WDR7: variants seen among roughly 807,000 people sequenced by gnomAD.
WDR7 encodes WD repeat domain 7.
A neutral mutation model predicts 169.4 loss-of-function variants in WDR7; 46 were observed. The ratio of observed to expected loss-of-function variants is 0.27; its 90% CI spans 0.21 to 0.35. WDR7 has a LOEUF of 0.35. Ranked by LOEUF, WDR7 falls within the 10% of genes least tolerant of loss-of-function variation. The pLI is 1.00. For missense variants in WDR7, 1,534 were observed against 1,859.3 expected, an observed-to-expected ratio of 0.83 and a Z score of 3.22; for synonymous variants, 612 against 666.8, an observed-to-expected ratio of 0.92 and a Z score of 1.27.
chr18:56,710,153 G>A (rs796941501), intron 12 of WDR7, among the ~76,000 whole-genome samples: 1 of 151,960 alleles, frequency 6.6e-6, no homozygotes, highest in African/African-American at 2.4e-5. Context: ...ATAGGCGCCT[G>A]CCAGCATGCC....
At chr18:57,005,100 G>C (rs942462619) in intron 26 of WDR7, among the ~76,000 whole-genome samples, 56 of 152,076 alleles carry the variant, frequency 3.7e-4, no homozygotes, top group African/African-American at 1.2e-3. Flanking sequence ...TACCGTGTCA[G>C]GCATCTTAAT....
intron 1 of WDR7, among the ~76,000 whole-genome samples, chr18:56,670,667 C>T (rs564320074): frequency 3.3e-5 from 5 of 152,194 alleles, no homozygotes; most frequent in Admixed American, 6.5e-5. Context: ...CCCACCACCT[C>T]GCCTGGCTAA....
intron 20 of WDR7, among the ~76,000 whole-genome samples, chr18:56,836,244 G>A (rs929709724): frequency 2.6e-5 from 4 of 152,036 alleles, no homozygotes; most frequent in Non-Finnish European, 5.9e-5. Flanking sequence ...CTCATGTCTG[G>A]CCAGGATTCA....
chr18:56,838,117 G>T (rs1207774393), intron 20 of WDR7, among the ~76,000 whole-genome samples: 1 of 152,120 alleles, frequency 6.6e-6, no homozygotes, highest in Non-Finnish European at 1.5e-5. Context: ...ACTGCATTAT[G>T]ATGATATATA....
At chr18:56,719,561 CAAAAA>C (rs58285674) in intron 13 of WDR7, among the ~76,000 whole-genome samples, 2 of 106,242 alleles carry the variant, frequency 1.9e-5, no homozygotes, top group Non-Finnish European at 1.8e-5. Flanking sequence ...GACTCTGTCT[CAAAAA>C]AAAAAAAAAA....
At chr18:56,933,360 G>A (rs1001804968) in intron 22 of WDR7, among the ~76,000 whole-genome samples, 3 of 152,098 alleles carry the variant, frequency 2.0e-5, no homozygotes, top group African/African-American at 7.2e-5. Flanking sequence ...CTGTGAAGTT[G>A]GTCATTTTTG....
Position 56,843,732 on chromosome 18 carries a change from A to C in WDR7, c.3304+27588A>C, listed in dbSNP as rs1346030308. ...GTAATACATGGTCATTCTATCTTTA[A>C]TATTTTGAGGAACTGTCATACTGTT... On this transcript the variant is annotated intron_variant, in intron 20 of 27. Coordinates refer to ENST00000254442, the MANE Select transcript of WDR7 (RefSeq NM_015285.3). 2.6e-5 allele frequency among the ~76,000 whole-genome samples: 4 copies of C among 152,154 alleles called. No homozygotes were observed. The East Asian group carries it at 5.8e-4, about 22-fold the overall frequency.
At chr18:56,738,939 A>G (rs1327544840) in intron 14 of WDR7, among the ~76,000 whole-genome samples, 1 of 151,386 alleles carries the variant, frequency 6.6e-6, no homozygotes, top group Non-Finnish European at 1.5e-5. Flanking sequence ...TGGTTATAAT[A>G]ATGCGTTCTA....
chr18:56,787,836 A>C (rs1479014764), intron 19 of WDR7, among the ~76,000 whole-genome samples: 1 of 152,232 alleles, frequency 6.6e-6, no homozygotes, highest in Non-Finnish European at 1.5e-5. Flanking sequence ...AGGGAGTTGA[A>C]AAGGATATTG....
intron 12 of WDR7, among the ~76,000 whole-genome samples, chr18:56,716,331 G>GT (rs967375593): frequency 1.3e-5 from 2 of 151,082 alleles, no homozygotes; most frequent in African/African-American, 2.4e-5. Context: ...TCCGAACTTA[G>GT]TTTTTTTTTA....
chr18:56,662,015 T>G (rs1788468773), intron 1 of WDR7, among the ~76,000 whole-genome samples: 2 of 152,214 alleles, frequency 1.3e-5, no homozygotes, highest in South Asian at 4.1e-4. Context: ...CTTTACAAAC[T>G]TCTCATTCTT....
At chr18:56,680,607 A>G (rs981595268) in intron 3 of WDR7, among the ~76,000 whole-genome samples, 1 of 151,996 alleles carries the variant, frequency 6.6e-6, no homozygotes, top group Non-Finnish European at 1.5e-5. Context: ...CATTTTATTA[A>G]TTTTTTTTGT....
chr18:56,889,783 G>A (rs1213369328), intron 21 of WDR7, among the ~76,000 whole-genome samples: 1 of 152,168 alleles, frequency 6.6e-6, no homozygotes, highest in Non-Finnish European at 1.5e-5. Flanking sequence ...CAGGTCACCT[G>A]TGAATACGGA....
chr18:56,839,471 T>A (rs1316698021), intron 20 of WDR7, among the ~76,000 whole-genome samples: 2 of 152,212 alleles, frequency 1.3e-5, no homozygotes, highest in Non-Finnish European at 2.9e-5. Context: ...ATAAGTTGAC[T>A]CAACTATGAC....
chr18:56,726,945 C>T (rs1367268512), intron 13 of WDR7, among the ~76,000 whole-genome samples: 1 of 152,096 alleles, frequency 6.6e-6, no homozygotes, highest in Non-Finnish European at 1.5e-5. Flanking sequence ...ACACAGTAAT[C>T]AGTACTCTGC....
intron 4 of WDR7, among the ~76,000 whole-genome samples, chr18:56,682,249 T>C (rs1227520530): frequency 6.6e-6 from 1 of 152,194 alleles, no homozygotes. Flanking sequence ...AATTATAAGC[T>C]TATATTTCCC....
intron 7 of WDR7, among the ~76,000 whole-genome samples, chr18:56,689,578 A>G (rs2025521045): frequency 6.6e-6 from 1 of 152,158 alleles, no homozygotes; most frequent in Non-Finnish European, 1.5e-5. Context: ...TTTGTCTTAC[A>G]TACCTTTGAA....
At chr18:56,813,459 G>GT (rs151034066) in intron 19 of WDR7, among the ~76,000 whole-genome samples, 12,177 of 148,532 alleles carry the variant, frequency 0.082, 1,210 homozygotes, top group African/African-American at 0.24. Flanking sequence ...TTTCTTAGAG[G>GT]TTTTTTTTTT....
intron 19 of WDR7, among the ~76,000 whole-genome samples, chr18:56,787,693 A>C (rs1223581614): frequency 6.6e-6 from 1 of 152,208 alleles, no homozygotes; most frequent in Non-Finnish European, 1.5e-5. Flanking sequence ...ACTTTCAACA[A>C]GCCACACTGT....
Sources: allele counts gnomAD v4.1 joint callset (sites outside exome capture counted in the v4.1 genomes callset), GRCh38; gene constraint gnomAD v4.1.1; transcripts MANE v1.5; gene names NCBI Gene and HGNC (gene_info 2026-07-23, HGNC 2026-07-21).